CRYZL1: variants seen among roughly 807,000 people sequenced by gnomAD.
The protein encoded by CRYZL1 is ferry endosomal RAB5 effector complex subunit 4.
Under a neutral mutation model 50.6 loss-of-function variants are expected in CRYZL1, and 34 were observed. That is an observed-to-expected ratio of 0.67 (90% CI 0.51 to 0.89). The LOEUF (loss-of-function observed/expected upper bound fraction) is 0.89. Among genes scored for constraint, CRYZL1 ranks in the 40% least tolerant of loss-of-function variants. The pLI, the probability that CRYZL1 is intolerant of heterozygous loss-of-function variation, is 0.00. For missense variants in CRYZL1, 354 were observed against 402.3 expected (o/e 0.88, Z 1.03); for synonymous variants, 125 against 134.3 (o/e 0.93, Z 0.48).
chr21:33,603,662 T>A, intron 6 of CRYZL1, 125 bp from the exon 7 acceptor site: 1 of 942,084 alleles, frequency 1.1e-6, no homozygotes, highest in Non-Finnish European at 1.6e-6. Flanking sequence ...CCATTCTCTC[T>A]CACCTACAAT....
At position 33,603,396 on chromosome 21, in the gene CRYZL1, G is replaced by C. The variant is rs777447701; in HGVS notation, c.465+8C>G. On this transcript the variant is annotated splice_region_variant and intron_variant, in intron 7 of 12. Coordinates refer to ENST00000381554, the MANE Select transcript of CRYZL1 (RefSeq NM_145858.3). Reference sequence around the variant, plus strand: ...TGTCTGTTTCTTAACAAAACCATTAGCACCTACACTTGCTCCATCCATTAT... The same window carrying C: ...TGTCTGTTTCTTAACAAAACCATTACCACCTACACTTGCTCCATCCATTAT... 1 of 1,613,276 alleles carries C rather than the reference G, an allele frequency of 6.2e-7. No homozygotes were observed. The highest frequency in any genetic ancestry group is 1.1e-5 in the South Asian group (1 of 91,018).
chr21:33,595,381 T>C (rs1252068549), intron 11 of CRYZL1: 113 of 1,314,582 alleles, frequency 8.6e-5, no homozygotes, highest in Non-Finnish European at 1.1e-4. Context: ...GTGCTTTCCT[T>C]AATGTGAGGT....
At chr21:33,627,709 C>T (rs947947076) in intron 2 of CRYZL1, among the ~76,000 whole-genome samples, 3 of 146,124 alleles carry the variant, frequency 2.1e-5, no homozygotes, top group Non-Finnish European at 4.5e-5. Flanking sequence ...TAATATCTTT[C>T]TACCTCTTCC....
intron 5 of CRYZL1, among the ~76,000 whole-genome samples, chr21:33,615,471 TAATAC>T (rs1354246351): frequency 6.6e-6 from 1 of 152,114 alleles, no homozygotes; most frequent in East Asian, 1.9e-4. Flanking sequence ...TGGCCCTATA[TAATAC>T]AAGTTATATA....
chr21:33,600,039 A>G (rs947760861), intron 8 of CRYZL1, among the ~76,000 whole-genome samples: 1 of 152,142 alleles, frequency 6.6e-6, no homozygotes, highest in African/African-American at 2.4e-5. Context: ...CTACATCCCA[A>G]TATACCCACC....
intron 1 of CRYZL1, among the ~76,000 whole-genome samples, chr21:33,635,289 TAATAA>T (rs2087191523): frequency 1.3e-5 from 2 of 152,056 alleles, no homozygotes; most frequent in South Asian, 4.1e-4. Context: ...TCATGTTATT[TAATAA>T]AATTTGTATT....
intron 5 of CRYZL1, among the ~76,000 whole-genome samples, chr21:33,615,155 T>C (rs1439812871): frequency 3.3e-4 from 3 of 9,012 alleles, no homozygotes; most frequent in Non-Finnish European, 5.2e-4. Context: ...TCTTTCTCTC[T>C]TTTTTTTTTT....
At position 33,631,514 on chromosome 21, in the gene CRYZL1, T is replaced by C; in HGVS notation, c.38A>G (p.Glu13Gly). Reference protein sequence around the residue: ...GLYFQQSSTDEEITFVFQEKE... With the variant: ...GLYFQQSSTDGEITFVFQEKE... ...TTCTTGAAATACAAATGTTATTTCTTCATCTGTGGAACTCTGTTGGAAATA... is the reference window on the plus strand; with the variant it reads ...TTCTTGAAATACAAATGTTATTTCTCCATCTGTGGAACTCTGTTGGAAATA... The change falls in exon 2 of 13, where the codon GAA (glutamate) becomes GGA (glycine). Residue 13 changes from glutamate to glycine, a missense_variant. By Grantham distance (98) the Glu-to-Gly change is moderately conservative. Coordinates refer to ENST00000381554, the MANE Select transcript of CRYZL1 (RefSeq NM_145858.3). 6.6e-7 allele frequency: 1 copy of C among 1,523,476 alleles called. No homozygotes were observed. The highest frequency in any genetic ancestry group is 1.9e-4 in the Middle Eastern group (1 of 5,398). 94.4% of individuals were successfully genotyped at this position (1,523,476 alleles called of 1,614,324 possible).
intron 1 of CRYZL1, among the ~76,000 whole-genome samples, chr21:33,636,377 C>A (rs546676173): frequency 6.6e-6 from 1 of 152,142 alleles, no homozygotes; most frequent in African/African-American, 2.4e-5. Flanking sequence ...ACATACAAAA[C>A]TTTTTAATTA....
Position 33,602,221 on chromosome 21 carries a change from T to C in CRYZL1, c.577+13A>G, listed in dbSNP as rs373503185. Reference sequence around the variant, plus strand: ...TTTCCTGTTTTAAAGTCTGTGCTCATAATATTACCCACCTATGGGAGGTCT... The same window carrying C: ...TTTCCTGTTTTAAAGTCTGTGCTCACAATATTACCCACCTATGGGAGGTCT... On this transcript the variant is annotated intron_variant, in intron 8 of 12. Coordinates refer to ENST00000381554, the MANE Select transcript of CRYZL1 (RefSeq NM_145858.3). The C allele has an allele frequency of 1.5e-4, 204 of 1,375,440 alleles. 1 individual carries two copies. Among genetic ancestry groups the C allele is most frequent in the Non-Finnish European group, 2.0e-4 (189 of 964,842 alleles). The allele number at this position is 1,375,440 out of a possible 1,614,324, so 85.2% of individuals were successfully genotyped here. A position where few individuals can be genotyped will look rare whatever the true frequency, so the allele number is the denominator to read the frequency against.
chr21:33,621,193 C>T (rs1297054522), intron 4 of CRYZL1, among the ~76,000 whole-genome samples: 10 of 150,566 alleles, frequency 6.6e-5, no homozygotes, highest in Non-Finnish European at 1.5e-4. Flanking sequence ...GCGTGAGCCA[C>T]CGCGCCCGGC....
chr21:33,618,650 C>T (rs2086962627), intron 4 of CRYZL1, among the ~76,000 whole-genome samples: 1 of 152,120 alleles, frequency 6.6e-6, no homozygotes, highest in Non-Finnish European at 1.5e-5. Context: ...GCAAGTAATT[C>T]GAAGCCTGGT....
At chr21:33,641,101 T>C in intron 1 of CRYZL1, 1 of 1,541,424 alleles carries the variant, frequency 6.5e-7, no homozygotes, top group Non-Finnish European at 8.7e-7. Context: ...ACTCATAACG[T>C]GGACAGCAGC....
chr21:33,639,571 C>T (rs1302621227), intron 1 of CRYZL1, among the ~76,000 whole-genome samples: 1 of 152,122 alleles, frequency 6.6e-6, no homozygotes, highest in Non-Finnish European at 1.5e-5. Flanking sequence ...TTACTCGCTC[C>T]CCTCCAATCC....
chr21:33,635,597 GC>G (rs1349418098), intron 1 of CRYZL1, among the ~76,000 whole-genome samples: 1 of 151,456 alleles, frequency 6.6e-6, no homozygotes, highest in Admixed American at 6.6e-5. Context: ...CTTGTGATCC[GC>G]CTGCCTCGGC....
At chr21:33,638,804 T>C (rs1453581546) in intron 1 of CRYZL1, among the ~76,000 whole-genome samples, 1 of 152,156 alleles carries the variant, frequency 6.6e-6, no homozygotes, top group Non-Finnish European at 1.5e-5. Context: ...TAAAACTAAA[T>C]GGAAAATGCG....
chr21:33,600,114 A>C (rs2086735930), intron 8 of CRYZL1, among the ~76,000 whole-genome samples: 1 of 152,166 alleles, frequency 6.6e-6, no homozygotes, highest in African/African-American at 2.4e-5. Flanking sequence ...TCCTAAATCG[A>C]AACACTGTCA....
intron 9 of CRYZL1, 115 bp from the exon 10 acceptor site, chr21:33,597,516 A>G: frequency 2.4e-6 from 2 of 846,756 alleles, no homozygotes; most frequent in Non-Finnish European, 3.6e-6. Flanking sequence ...AGGTCTTACT[A>G]TGTTGCCCAG....
chr21:33,616,494 G>A (rs772940279), intron 5 of CRYZL1: 4 of 712,118 alleles, frequency 5.6e-6, no homozygotes, highest in Non-Finnish European at 6.4e-6. Context: ...GTTTCTCCAT[G>A]TTGGTCAGGC....
Sources: allele counts gnomAD v4.1 joint callset (sites outside exome capture counted in the v4.1 genomes callset), GRCh38; gene constraint gnomAD v4.1.1; transcripts MANE v1.5; gene names NCBI Gene and HGNC (gene_info 2026-07-23, HGNC 2026-07-21).